Variants in GABRR3 observed in about 807,000 individuals in gnomAD.
GABRR3 encodes gamma-aminobutyric acid type A receptor subunit rho3.
Under a neutral mutation model 43.2 loss-of-function variants are expected in GABRR3, and 29 were observed. The ratio of observed to expected loss-of-function variants is 0.67; its 90% CI spans 0.50 to 0.92. The LOEUF (loss-of-function observed/expected upper bound fraction) is 0.92. Among genes scored for constraint, GABRR3 ranks in the 40% least tolerant of loss-of-function variants. GABRR3 has a pLI of 0.00. For synonymous variants in GABRR3, 206 were observed against 195.9 expected, an observed-to-expected ratio of 1.05 and a Z score of -0.43; for missense variants, 576 against 572.3, an observed-to-expected ratio of 1.01 and a Z score of -0.07.
intron 2 of GABRR3, among the ~76,000 whole-genome samples, chr3:98,033,109 G>A (rs2107254633): frequency 6.6e-6 from 1 of 152,270 alleles, no homozygotes; most frequent in South Asian, 2.1e-4. Context: ...TTCACTCAGG[G>A]AAAATGCCTG....
intron 8 of GABRR3, among the ~76,000 whole-genome samples, chr3:97,996,677 T>C (rs832097): frequency 0.24 from 35,995 of 152,074 alleles, 4,668 homozygotes; most frequent in South Asian, 0.4. Context: ...AAGTATAATA[T>C]TTAAATATCC....
intron 2 of GABRR3, among the ~76,000 whole-genome samples, chr3:98,026,419 C>A (rs112385108): frequency 6.6e-6 from 1 of 152,114 alleles, no homozygotes; most frequent in Non-Finnish European, 1.5e-5. Context: ...CTCCCTGTGT[C>A]GGTGAGCTTG....
chr3:98,013,287 T>C (rs749216033), intron 4 of GABRR3, among the ~76,000 whole-genome samples: 24 of 152,236 alleles, frequency 1.6e-4, no homozygotes, highest in Admixed American at 9.2e-4. Flanking sequence ...TATTCTTACA[T>C]TGTAAGAATG....
At chr3:98,012,689 T>C (rs1706810171) in intron 4 of GABRR3, 122 bp from the exon 5 acceptor site, 1 of 653,218 alleles carries the variant, frequency 1.5e-6, no homozygotes, top group African/African-American at 1.8e-5. Context: ...GAATGGTTAA[T>C]ATTGTAGTTT....
chr3:98,010,279 C>T (rs148126907), intron 5 of GABRR3, among the ~76,000 whole-genome samples: 103 of 152,332 alleles, frequency 6.8e-4, no homozygotes, highest in African/African-American at 2.1e-3. Flanking sequence ...TCCAGTTGTC[C>T]TCTCCTAATG....
chr3:98,012,209 T>C, intron 5 of GABRR3, 135 bp downstream of exon 5: 1 of 666,354 alleles, frequency 1.5e-6, no homozygotes, highest in Non-Finnish European at 2.6e-6. Flanking sequence ...AATCACATCT[T>C]ATGCTTGTGT....
chr3:98,016,361 A>T (rs556225135), intron 4 of GABRR3, among the ~76,000 whole-genome samples: 314 of 152,126 alleles, frequency 2.1e-3, no homozygotes, highest in African/African-American at 7.1e-3. Flanking sequence ...GAAAGAACCT[A>T]GTACCTCCCC....
At chr3:97,992,510 T>C (rs1706484311) in intron 9 of GABRR3, among the ~76,000 whole-genome samples, 1 of 152,130 alleles carries the variant, frequency 6.6e-6, no homozygotes, top group South Asian at 2.1e-4. Context: ...TAACCCCCCA[T>C]TACATGTTAG....
At chr3:98,001,545 G>T in intron 8 of GABRR3, 70 bp downstream of exon 8, 1 of 1,515,106 alleles carries the variant, frequency 6.6e-7, no homozygotes, top group South Asian at 1.2e-5. Flanking sequence ...CTCCATGTAT[G>T]ACCCATTTTA....
At chr3:98,014,718 TG>T (rs1277712932) in intron 4 of GABRR3, among the ~76,000 whole-genome samples, 1 of 152,220 alleles carries the variant, frequency 6.6e-6, no homozygotes, top group African/African-American at 2.4e-5. Context: ...AGAATTTTTA[TG>T]TGTTCTGAAC....
At chr3:98,005,621 T>C (rs754932959) in intron 7 of GABRR3, among the ~76,000 whole-genome samples, 22 of 152,178 alleles carry the variant, frequency 1.4e-4, no homozygotes, top group Non-Finnish European at 2.6e-4. Flanking sequence ...CAGCTAGTGT[T>C]GTAGCTGCCT....
intron 4 of GABRR3, among the ~76,000 whole-genome samples, chr3:98,014,223 T>C (rs1706848439): frequency 1.3e-5 from 2 of 152,232 alleles, no homozygotes; most frequent in South Asian, 4.1e-4. Flanking sequence ...TGTCCAGTTC[T>C]GGGTGCTGCT....
intron 8 of GABRR3, among the ~76,000 whole-genome samples, chr3:97,993,611 C>T (rs1706500380): frequency 6.6e-6 from 1 of 152,238 alleles, no homozygotes; most frequent in South Asian, 2.1e-4. Flanking sequence ...GTTAATGAAA[C>T]TACAGTTCCA....
chr3:98,025,019 T>C (rs1409241307), intron 3 of GABRR3, among the ~76,000 whole-genome samples: 1 of 152,224 alleles, frequency 6.6e-6, no homozygotes, highest in Non-Finnish European at 1.5e-5. Flanking sequence ...GTGTTCACAT[T>C]GCAATATTAA....
At chr3:98,010,886 G>A (rs1431570703) in intron 5 of GABRR3, among the ~76,000 whole-genome samples, 3 of 152,120 alleles carry the variant, frequency 2.0e-5, no homozygotes, top group African/African-American at 7.2e-5. Context: ...GATCATTTGA[G>A]GTCAGGAGTT....
intron 2 of GABRR3, among the ~76,000 whole-genome samples, chr3:98,027,666 C>A (rs1026492630): frequency 1.3e-5 from 2 of 152,292 alleles, no homozygotes; most frequent in East Asian, 3.9e-4. Context: ...TCTACTTTTG[C>A]CTTTTTTTGT....
chr3:98,014,676 T>C (rs1247160819), intron 4 of GABRR3, among the ~76,000 whole-genome samples: 1 of 152,164 alleles, frequency 6.6e-6, no homozygotes, highest in East Asian at 1.9e-4. Context: ...CAAGGTGTAA[T>C]GGGTCATAGA....
intron 2 of GABRR3, among the ~76,000 whole-genome samples, chr3:98,031,268 G>A (rs1707083734): frequency 6.6e-6 from 1 of 152,126 alleles, no homozygotes. Flanking sequence ...CAGTGAGGAG[G>A]CCTCAGTTTC....
chr3:98,032,772 C>A (rs113679154), intron 2 of GABRR3, among the ~76,000 whole-genome samples: 37 of 152,094 alleles, frequency 2.4e-4, no homozygotes, highest in Admixed American at 2.6e-4. Context: ...TAAAAACTGG[C>A]CCCAAACAAT....
Sources: gnomAD v4.1 joint callset for allele counts (sites outside exome capture counted in the v4.1 genomes callset) on GRCh38, gnomAD v4.1.1 for gene constraint, MANE v1.5 for transcripts, NCBI Gene and HGNC (gene_info 2026-07-23, HGNC 2026-07-21) for gene names.